SUSD1: variants seen among roughly 807,000 people sequenced by gnomAD.
The protein encoded by SUSD1 is sushi domain-containing protein 1.
In SUSD1, 65 loss-of-function variants were observed where a neutral mutation model predicts 86.9. That is an observed-to-expected ratio of 0.75 (90% confidence interval 0.61 to 0.92). The LOEUF (loss-of-function observed/expected upper bound fraction) is 0.92. SUSD1 is among the 40% of genes least tolerant of loss of function. SUSD1 has a pLI of 0.00. For missense variants in SUSD1, 850 were observed against 929.7 expected (o/e 0.91, Z 1.11); for synonymous variants, 346 against 350.0 (o/e 0.99, Z 0.13).
Position 112,124,459 on chromosome 9 carries a change from A to C in SUSD1, c.707-23T>G, listed in dbSNP as rs753238100. 4 of 1,603,552 alleles carry C rather than the reference A, an allele frequency of 2.5e-6. No homozygotes were observed. In the African/African-American group the frequency reaches 5.4e-5, roughly 21 times the overall value. ...TCTCTGCAATGGGAACCAAGACAGC[A>C]CTGGTTATAAGCCCTGACTTCCAGC... On this transcript the variant is annotated intron_variant, in intron 5 of 16. Transcript: ENST00000374270.
intron 2 of SUSD1, among the ~76,000 whole-genome samples, chr9:112,156,475 AT>A (rs1564348517): frequency 1.3e-5 from 2 of 151,848 alleles, no homozygotes; most frequent in Non-Finnish European, 2.9e-5. Context: ...AAAAAAAAAA[AT>A]ACTCACTGAA....
intron 5 of SUSD1, among the ~76,000 whole-genome samples, chr9:112,141,533 C>T (rs1832562630): frequency 6.6e-6 from 1 of 151,502 alleles, no homozygotes; most frequent in Non-Finnish European, 1.5e-5. Flanking sequence ...AAAAATTAGC[C>T]GGGTGTAGTG....
intron 10 of SUSD1, among the ~76,000 whole-genome samples, chr9:112,091,761 C>T (rs1056190894): frequency 1.3e-4 from 20 of 152,082 alleles, no homozygotes; most frequent in African/African-American, 4.8e-4. Context: ...ATTTGGGGAG[C>T]AGTTTATCTT....
chr9:112,078,811 CTTTTTTT>C (rs71496739), intron 11 of SUSD1, 87 bp from the exon 12 acceptor site: 14 of 641,416 alleles, frequency 2.2e-5, no homozygotes, highest in Middle Eastern at 5.1e-4. Context: ...TTTTCTTTCT[CTTTTTTT>C]TTTTTTTTTT....
intron 8 of SUSD1, among the ~76,000 whole-genome samples, chr9:112,105,651 G>A (rs34543181): frequency 0.021 from 3,144 of 152,262 alleles, 54 homozygotes; most frequent in Non-Finnish European, 0.029. Flanking sequence ...CACAGGAGGC[G>A]AAGGTTGCAA....
chr9:112,174,346 C>T (rs1834176517), intron 1 of SUSD1, among the ~76,000 whole-genome samples: 1 of 152,202 alleles, frequency 6.6e-6, no homozygotes, highest in African/African-American at 2.4e-5. Context: ...CTTCTCATGG[C>T]ACCCATGCCA....
At chr9:112,117,040 C>T (rs1224704301) in intron 6 of SUSD1, among the ~76,000 whole-genome samples, 4 of 152,056 alleles carry the variant, frequency 2.6e-5, no homozygotes, top group African/African-American at 4.8e-5. Context: ...CTCAAGAGGC[C>T]GAGGCACGAG....
At chr9:112,157,957 G>A (rs1469357850) in intron 1 of SUSD1, among the ~76,000 whole-genome samples, 1 of 151,490 alleles carries the variant, frequency 6.6e-6, no homozygotes, top group African/African-American at 2.4e-5. Context: ...CCAAGTAGCT[G>A]GGACTATAGG....
At chr9:112,104,737 A>T (rs548259586) in intron 8 of SUSD1, 1 of 152,210 alleles carries the variant, frequency 6.6e-6, no homozygotes, top group African/African-American at 2.4e-5. Flanking sequence ...ACATTATCCA[A>T]TGAAAAGGAG....
At chr9:112,053,567 C>T (rs778192380) in intron 14 of SUSD1, among the ~76,000 whole-genome samples, 1 of 146,794 alleles carries the variant, frequency 6.8e-6, no homozygotes, top group African/African-American at 2.6e-5. Flanking sequence ...TAGCCATAAG[C>T]GTTTGAATGT....
At chr9:112,116,604 T>C (rs1831335683) in intron 6 of SUSD1, among the ~76,000 whole-genome samples, 1 of 152,240 alleles carries the variant, frequency 6.6e-6, no homozygotes, top group African/African-American at 2.4e-5. Flanking sequence ...CGATGTTATC[T>C]GCTGACTATG....
At chr9:112,129,201 C>T (rs1457186881) in intron 5 of SUSD1, among the ~76,000 whole-genome samples, 1 of 152,064 alleles carries the variant, frequency 6.6e-6, no homozygotes, top group African/African-American at 2.4e-5. Context: ...ACTGAATGTT[C>T]GTGGTGATAG....
chr9:112,097,395 CTTT>C (rs764568520), intron 10 of SUSD1, among the ~76,000 whole-genome samples: 6 of 103,272 alleles, frequency 5.8e-5, no homozygotes, highest in Non-Finnish European at 5.6e-5. Context: ...ATTTCAGAGT[CTTT>C]TTTTTTTTTT....
chr9:112,165,853 AGAAGGAAGGAAGGAAGG>A (rs1564357683), intron 1 of SUSD1, among the ~76,000 whole-genome samples: 19 of 144,342 alleles, frequency 1.3e-4, no homozygotes, highest in East Asian at 4.0e-4. Flanking sequence ...AAAGAGAAAG[AGAAGGAAGGAAGGAAGG>A]AAGAAAGAGA....
chr9:112,098,050 T>G (rs1830472921), intron 10 of SUSD1, among the ~76,000 whole-genome samples: 1 of 152,188 alleles, frequency 6.6e-6, no homozygotes, highest in Admixed American at 6.5e-5. Flanking sequence ...AATTTGCTTA[T>G]GCGTGGCCTA....
chr9:112,044,672 T>G (rs1827881437), intron 15 of SUSD1, among the ~76,000 whole-genome samples: 1 of 152,220 alleles, frequency 6.6e-6, no homozygotes, highest in Non-Finnish European at 1.5e-5. Flanking sequence ...AAAATCCAGA[T>G]GGATTACAGA....
At chr9:112,068,169 G>A (rs1465632530) in intron 12 of SUSD1, among the ~76,000 whole-genome samples, 1 of 152,160 alleles carries the variant, frequency 6.6e-6, no homozygotes, top group Non-Finnish European at 1.5e-5. Flanking sequence ...CTGTGATGGA[G>A]TTATATACAG....
intron 1 of SUSD1, among the ~76,000 whole-genome samples, chr9:112,174,905 C>T (rs767048134): frequency 1.3e-5 from 2 of 151,686 alleles, no homozygotes; most frequent in African/African-American, 4.8e-5. Flanking sequence ...CGGCGTCCCC[C>T]GGCGTCGCGG....
intron 6 of SUSD1, among the ~76,000 whole-genome samples, chr9:112,119,257 A>G (rs1831454517): frequency 6.6e-6 from 1 of 152,250 alleles, no homozygotes; most frequent in Non-Finnish European, 1.5e-5. Context: ...AGCAGTAGCT[A>G]TAATGCTTGA....
Sources: allele counts gnomAD v4.1 joint callset (sites outside exome capture counted in the v4.1 genomes callset), GRCh38; gene constraint gnomAD v4.1.1; transcripts MANE v1.5; gene names NCBI Gene and HGNC (gene_info 2026-07-23, HGNC 2026-07-21).